Variants in BCAS1 observed in about 807,000 individuals in gnomAD.
BCAS1 encodes brain enriched myelin associated protein 1.
BCAS1 carries 46 observed loss-of-function variants against 65.4 expected under a neutral mutation model. The observed-to-expected ratio is 0.70, with a 90% confidence interval of 0.55 to 0.90. The LOEUF (loss-of-function observed/expected upper bound fraction) is 0.90. BCAS1 is among the 40% of genes least tolerant of loss of function. The pLI, the probability that BCAS1 is intolerant of heterozygous loss-of-function variation, is 0.00. For missense variants in BCAS1, 793 were observed against 771.2 expected, an observed-to-expected ratio of 1.03 and a Z score of -0.33; for synonymous variants, 298 against 293.5, an observed-to-expected ratio of 1.02 and a Z score of -0.16.
chr20:54,066,696 G>A (rs1236295801), intron 1 of BCAS1, among the ~76,000 whole-genome samples: 1 of 152,228 alleles, frequency 6.6e-6, no homozygotes, highest in Non-Finnish European at 1.5e-5. Context: ...GCCAGAAAGA[G>A]TGGTCTCACC....
At chr20:53,960,019 G>A (rs2089826782) in intron 10 of BCAS1, among the ~76,000 whole-genome samples, 1 of 152,200 alleles carries the variant, frequency 6.6e-6, no homozygotes, top group Non-Finnish European at 1.5e-5. Flanking sequence ...AATTCGGGCT[G>A]TGTCGTAAGA....
chr20:54,000,486 T>C (rs1027823610), intron 4 of BCAS1, among the ~76,000 whole-genome samples: 3 of 152,216 alleles, frequency 2.0e-5, no homozygotes, highest in South Asian at 2.1e-4. Flanking sequence ...AGTGAATGAA[T>C]GAACAAATGA....
chr20:54,011,376 C>A (rs759622846), intron 4 of BCAS1, among the ~76,000 whole-genome samples: 1 of 147,444 alleles, frequency 6.8e-6, no homozygotes, highest in Non-Finnish European at 1.5e-5. Context: ...GAAAAAAATT[C>A]TTAAAACTCA....
chr20:54,016,945 T>C (rs188485334), intron 4 of BCAS1, among the ~76,000 whole-genome samples: 3 of 152,352 alleles, frequency 2.0e-5, no homozygotes, highest in Admixed American at 2.0e-4. Context: ...TTTACTACCC[T>C]GTGGACATAA....
chr20:54,007,297 G>A (rs1283141528), intron 4 of BCAS1, among the ~76,000 whole-genome samples: 2 of 152,154 alleles, frequency 1.3e-5, no homozygotes, highest in Non-Finnish European at 2.9e-5. Context: ...AAAACAAAAT[G>A]GAATACAGTG....
intron 3 of BCAS1, among the ~76,000 whole-genome samples, chr20:54,031,505 C>T (rs1208083304): frequency 1.3e-5 from 2 of 151,148 alleles, no homozygotes; most frequent in African/African-American, 4.8e-5. Context: ...TGCTCACCTC[C>T]TAGGTGGGCA....
At chr20:54,007,752 A>C (rs1281338049) in intron 4 of BCAS1, among the ~76,000 whole-genome samples, 2 of 152,216 alleles carry the variant, frequency 1.3e-5, no homozygotes, top group Non-Finnish European at 2.9e-5. Flanking sequence ...GACATTAAAA[A>C]ATAACATAAG....
At chr20:54,045,434 C>A (rs2092085421) in intron 3 of BCAS1, among the ~76,000 whole-genome samples, 1 of 151,694 alleles carries the variant, frequency 6.6e-6, no homozygotes, top group African/African-American at 2.4e-5. Flanking sequence ...TAAAAAAAAA[C>A]AAACACTATT....
At position 53,943,915 on chromosome 20, in the gene BCAS1, C is replaced by T. The variant is rs1422535593; in HGVS notation, c.*1007G>A. 6.6e-6 allele frequency: 1 copy of T among 152,018 alleles called. No homozygotes were observed. Among genetic ancestry groups the T allele is most frequent in the Non-Finnish European group, 1.5e-5 (1 of 68,004 alleles). The allele number at this position is 152,018 out of a possible 1,614,324, so 9.4% of individuals were successfully genotyped here. A position where few individuals can be genotyped will look rare whatever the true frequency, so the allele number is the denominator to read the frequency against. On this transcript the variant is annotated 3_prime_UTR_variant, in exon 13 of 13. Coordinates refer to ENST00000688948, the MANE Select transcript of BCAS1 (RefSeq NM_001366298.2). ...TACAGGATAAAAATGGGGACCTTGC[C>T]GCCCCCTTGTGTTGCAAAATAACCG...
chr20:54,009,588 C>A (rs984024335), intron 4 of BCAS1, among the ~76,000 whole-genome samples: 3 of 151,996 alleles, frequency 2.0e-5, no homozygotes, highest in Admixed American at 6.5e-5. Context: ...TAAAAACTTC[C>A]AGGAAAGAAG....
intron 3 of BCAS1, among the ~76,000 whole-genome samples, chr20:54,048,121 GGA>G (rs1568919437): frequency 6.6e-6 from 1 of 152,108 alleles, no homozygotes; most frequent in Non-Finnish European, 1.5e-5. Flanking sequence ...GTTTCAAGGT[GGA>G]GAGTTGAGGA....
chr20:53,946,516 TATATAC>T (rs11469754), intron 12 of BCAS1, among the ~76,000 whole-genome samples: 12,660 of 149,986 alleles, frequency 0.084, 718 homozygotes, highest in African/African-American at 0.16. Context: ...TATATATATA[TATATAC>T]ACACACACAT....
intron 4 of BCAS1, among the ~76,000 whole-genome samples, chr20:54,000,781 G>A (rs208378): frequency 0.015 from 2,350 of 152,108 alleles, 67 homozygotes; most frequent in African/African-American, 0.054. Context: ...ATGTCATCCA[G>A]TGTATTTTTT....
chr20:53,958,919 G>A (rs1335413404), intron 10 of BCAS1, among the ~76,000 whole-genome samples: 2 of 152,092 alleles, frequency 1.3e-5, no homozygotes, highest in Non-Finnish European at 2.9e-5. Flanking sequence ...GAAGGCAAGA[G>A]GCACCACTCA....
chr20:54,000,854 A>C (rs1308149782), intron 4 of BCAS1, among the ~76,000 whole-genome samples: 1 of 152,182 alleles, frequency 6.6e-6, no homozygotes, highest in Admixed American at 6.5e-5. Context: ...TATATCTTCT[A>C]TGTCTCTACT....
intron 3 of BCAS1, among the ~76,000 whole-genome samples, chr20:54,039,461 T>C (rs2146192911): frequency 6.6e-6 from 1 of 151,504 alleles, no homozygotes; most frequent in East Asian, 1.9e-4. Flanking sequence ...ACTACCCCCA[T>C]GCTCTTCAGA....
chr20:54,048,565 T>C (rs1466504810), intron 3 of BCAS1, among the ~76,000 whole-genome samples: 1 of 152,140 alleles, frequency 6.6e-6, no homozygotes, highest in Non-Finnish European at 1.5e-5. Context: ...TCCCATGATG[T>C]AGAGATGTGA....
chr20:53,986,618 C>T (rs544241112), intron 7 of BCAS1, among the ~76,000 whole-genome samples: 10 of 152,128 alleles, frequency 6.6e-5, no homozygotes, highest in Admixed American at 2.0e-4. Context: ...GGGTATGGGC[C>T]GGGTGTGGTG....
intron 8 of BCAS1, among the ~76,000 whole-genome samples, chr20:53,982,513 G>T (rs2090509026): frequency 6.6e-6 from 1 of 152,042 alleles, no homozygotes; most frequent in African/African-American, 2.4e-5. Context: ...TGTAACTACA[G>T]GCTTATAAAC....
Sources: allele counts gnomAD v4.1 joint callset (sites outside exome capture counted in the v4.1 genomes callset), GRCh38; gene constraint gnomAD v4.1.1; transcripts MANE v1.5; gene names NCBI Gene and HGNC (gene_info 2026-07-23, HGNC 2026-07-21).